TMEM38B: variants seen among roughly 807,000 people sequenced by gnomAD.
TMEM38B encodes the protein transmembrane protein 38B.
TMEM38B carries 24 observed loss-of-function variants against 28.7 expected under a neutral mutation model. That is an observed-to-expected ratio of 0.84 (90% CI 0.61 to 1.18). The LOEUF is 1.18. Ranked by LOEUF, TMEM38B falls within the 50% of genes most tolerant of loss-of-function variation. The pLI is 0.00. For missense variants in TMEM38B, 380 were observed against 350.9 expected (o/e 1.08, Z -0.66); for synonymous variants, 131 against 127.7 (o/e 1.03, Z -0.17).
Position 105,774,199 on chromosome 9 carries a change from C to G in TMEM38B, c.*119C>G. ...GACTATATATATGGAATGGAGGTGA[C>G]AGAAAGAAAGAAATTCTTTGTTTGA... On this transcript the variant is annotated 3_prime_UTR_variant, in exon 6 of 6. Coordinates refer to ENST00000374692, the MANE Select transcript of TMEM38B (RefSeq NM_018112.3). 1.2e-6 allele frequency: 1 copy of G among 809,676 alleles called. No individual in the cohort carries two copies. Among genetic ancestry groups the G allele is most frequent in the Non-Finnish European group, 1.9e-6 (1 of 520,828 alleles). 50.2% of individuals were successfully genotyped at this position (809,676 alleles called of 1,614,324 possible).
intron 4 of TMEM38B, among the ~76,000 whole-genome samples, chr9:105,723,389 G>A (rs1372036978): frequency 1.3e-5 from 2 of 150,830 alleles, no homozygotes; most frequent in Non-Finnish European, 2.9e-5. Flanking sequence ...TATCATGCCT[G>A]GCTAATTTTT....
chr9:105,713,351 G>A (rs1196207643), intron 2 of TMEM38B, among the ~76,000 whole-genome samples: 1 of 152,202 alleles, frequency 6.6e-6, no homozygotes, highest in Non-Finnish European at 1.5e-5. Flanking sequence ...GGGCCCCCTT[G>A]CTGTTGCAGG....
At chr9:105,762,054 C>T (rs1838073603) in intron 5 of TMEM38B, among the ~76,000 whole-genome samples, 1 of 151,870 alleles carries the variant, frequency 6.6e-6, no homozygotes, top group African/African-American at 2.4e-5. Flanking sequence ...AATATCTATT[C>T]CTTAAGTGTA....
intron 4 of TMEM38B, among the ~76,000 whole-genome samples, chr9:105,747,128 T>A (rs1837433135): frequency 6.6e-6 from 1 of 152,196 alleles, no homozygotes; most frequent in South Asian, 2.1e-4. Flanking sequence ...TTTCTATTGA[T>A]TGCTATAGTT....
chr9:105,770,461 C>A (rs1003559154), intron 5 of TMEM38B, among the ~76,000 whole-genome samples: 2 of 152,016 alleles, frequency 1.3e-5, no homozygotes. Context: ...ATAATGTATA[C>A]ATTTTATTCA....
At chr9:105,757,938 A>G (rs879904665) in intron 5 of TMEM38B, among the ~76,000 whole-genome samples, 9 of 152,258 alleles carry the variant, frequency 5.9e-5, no homozygotes, top group Non-Finnish European at 1.3e-4. Flanking sequence ...AGATCCACGT[A>G]TCTTGTGACT....
Position 105,701,116 on chromosome 9 carries a change from T to TG in TMEM38B, c.113-4480dup, listed in dbSNP as rs1835448477. On this transcript the variant is annotated intron_variant, in intron 1 of 5. Transcript: ENST00000374692. The stretch of plus-strand genomic sequence containing the variant: ...TTTCTGGAACTGAACTCTGTGATAA[T>TG]GTAGTATTTACTTTTTGCCTTTTCA... 4.6e-5 allele frequency: 7 copies of TG among 152,274 alleles called. No homozygotes were observed. The South Asian group carries it at 1.5e-3, about 32-fold the overall frequency. The allele number at this position is 152,274 out of a possible 1,614,324, so 9.4% of individuals were successfully genotyped here. A position where few individuals can be genotyped will look rare whatever the true frequency, so the allele number is the denominator to read the frequency against.
At chr9:105,716,433 G>A (rs984010393) in intron 2 of TMEM38B, among the ~76,000 whole-genome samples, 4 of 150,416 alleles carry the variant, frequency 2.7e-5, no homozygotes, top group African/African-American at 9.9e-5. Context: ...GTGAATACCC[G>A]TTAGCTATTT....
Position 105,694,632 on chromosome 9 carries a change from T to C in TMEM38B, c.-29T>C, listed in dbSNP as rs759595029. On this transcript the variant is annotated 5_prime_UTR_variant, in exon 1 of 6. Transcript: ENST00000374692. ...AGCGCGGGGAACCAGTAGCCGCGGCTGCTTCGGTTGCCGCGGTCGGTGGTC... is the reference window on the plus strand; with the variant it reads ...AGCGCGGGGAACCAGTAGCCGCGGCCGCTTCGGTTGCCGCGGTCGGTGGTC... 8.8e-6 allele frequency: 14 copies of C among 1,587,586 alleles called. No homozygotes were observed. The Admixed American group carries it at 2.3e-4, about 27-fold the overall frequency.
In TMEM38B at chr9:105,705,697, G is replaced by T. The variant is rs778398531; in HGVS notation, c.213G>T (p.Glu71Asp). Reference protein sequence around the residue: ...GGILSCLLLAEPPLKFLANHT... With the variant: ...GGILSCLLLADPPLKFLANHT... ...TTTTATCCTGTCTACTGCTTGCAGA[G>T]CCTCCATTGAAGTTTCTTGCAAACC... The change falls in exon 2 of 6, where the codon GAG becomes GAT. Residue 71 changes from glutamate to aspartate, a missense_variant. Coordinates refer to ENST00000374692, the MANE Select transcript of TMEM38B (RefSeq NM_018112.3). 6.2e-7 allele frequency: 1 copy of T among 1,613,958 alleles called. No individual in the cohort carries two copies. The highest frequency in any genetic ancestry group is 1.7e-5 in the Admixed American group (1 of 60,018).
At chr9:105,709,834 G>A (rs147388010) in intron 2 of TMEM38B, among the ~76,000 whole-genome samples, 2,807 of 152,282 alleles carry the variant, frequency 0.018, 56 homozygotes, top group Admixed American at 0.035. Context: ...CAATAATGGC[G>A]AAAATGGAAC....
intron 2 of TMEM38B, among the ~76,000 whole-genome samples, chr9:105,709,419 G>A (rs1295671460): frequency 6.6e-6 from 1 of 152,094 alleles, no homozygotes; most frequent in Non-Finnish European, 1.5e-5. Flanking sequence ...AGTATATTGG[G>A]TTCTATAATT....
chr9:105,747,510 A>G (rs1414355681), intron 4 of TMEM38B, among the ~76,000 whole-genome samples: 1 of 151,922 alleles, frequency 6.6e-6, no homozygotes, highest in Admixed American at 6.6e-5. Flanking sequence ...AATTTTGCTG[A>G]TCTTTTCAAA....
intron 5 of TMEM38B, among the ~76,000 whole-genome samples, chr9:105,757,747 C>T (rs7026968): frequency 0.23 from 35,612 of 151,994 alleles, 6,859 homozygotes; most frequent in African/African-American, 0.51. Flanking sequence ...TTAAGAGATA[C>T]TTGGTGACCT....
chr9:105,761,015 T>A (rs911624945), intron 5 of TMEM38B, among the ~76,000 whole-genome samples: 14 of 152,348 alleles, frequency 9.2e-5, no homozygotes, highest in Admixed American at 7.2e-4. Flanking sequence ...TCATGATATG[T>A]GCTAAAATTT....
At chr9:105,757,949 TGTTAA>T (rs1434102988) in intron 5 of TMEM38B, among the ~76,000 whole-genome samples, 1 of 152,260 alleles carries the variant, frequency 6.6e-6, no homozygotes, top group African/African-American at 2.4e-5. Context: ...TCTTGTGACT[TGTTAA>T]CTCTATTTTT....
chr9:105,718,678 G>C (rs1328561469), intron 2 of TMEM38B, among the ~76,000 whole-genome samples: 5 of 152,158 alleles, frequency 3.3e-5, no homozygotes, highest in Non-Finnish European at 7.3e-5. Flanking sequence ...CAATAACTTG[G>C]TATGTCATAG....
At chr9:105,702,048 C>G (rs1247259848) in intron 1 of TMEM38B, among the ~76,000 whole-genome samples, 1 of 152,044 alleles carries the variant, frequency 6.6e-6, no homozygotes, top group Non-Finnish European at 1.5e-5. Flanking sequence ...GACCCCATCT[C>G]TGAAAAAATT....
At chr9:105,702,102 A>C (rs1835480721) in intron 1 of TMEM38B, among the ~76,000 whole-genome samples, 2 of 152,178 alleles carry the variant, frequency 1.3e-5, no homozygotes, top group South Asian at 4.1e-4. Flanking sequence ...ACTTGATCTA[A>C]AACTCCTTGA....
Sources: gnomAD v4.1 joint callset for allele counts (sites outside exome capture counted in the v4.1 genomes callset) on GRCh38, gnomAD v4.1.1 for gene constraint, MANE v1.5 for transcripts, NCBI Gene and HGNC (gene_info 2026-07-23, HGNC 2026-07-21) for gene names.